Variants in CGGBP1 observed in about 807,000 individuals in gnomAD.
CGGBP1 encodes CGG triplet repeat-binding protein 1.
In CGGBP1, 4 loss-of-function variants were observed where a neutral mutation model predicts 11.4. That is an observed-to-expected ratio of 0.35 (90% CI 0.17 to 0.80). CGGBP1 has a LOEUF of 0.80. Ranked by LOEUF, CGGBP1 falls within the 30% of genes least tolerant of loss-of-function variation. The pLI, the probability that CGGBP1 is intolerant of heterozygous loss-of-function variation, is 0.52. For missense variants in CGGBP1, 135 were observed against 202.1 expected (o/e 0.67, Z 2.01); for synonymous variants, 76 against 74.1 (o/e 1.03, Z -0.13).
In CGGBP1 at chr3:88,101,346, A is replaced by G. The variant is rs188411017; in HGVS notation, c.-229+39624T>C. Among the ~76,000 whole-genome samples the G allele has an allele frequency of 1.4e-4, 22 of 152,274 alleles. No homozygotes were observed. In the East Asian group the frequency reaches 4.2e-3, roughly 29 times the overall value. On this transcript the variant is annotated intron_variant, in intron 2 of 3. Transcript: ENST00000462901. The stretch of plus-strand genomic sequence containing the variant: ...CTATCTCTATAGAGTTGCTATTTCT[A>G]GACATTTCATATAAATGATATCATA...
chr3:88,072,717 C>A (rs1707585550), intron 2 of CGGBP1, among the ~76,000 whole-genome samples: 1 of 151,912 alleles, frequency 6.6e-6, no homozygotes, highest in Non-Finnish European at 1.5e-5. Flanking sequence ...TACTTAACAC[C>A]ATCTAATATA....
At chr3:88,089,001 G>C (rs1306406452) in intron 2 of CGGBP1, among the ~76,000 whole-genome samples, 2 of 151,696 alleles carry the variant, frequency 1.3e-5, no homozygotes, top group African/African-American at 4.8e-5. Context: ...TTGAACTCCT[G>C]ACCTCAGATG....
At position 88,058,460 on chromosome 3, in the gene CGGBP1, G is replaced by T. The variant is rs557537600; in HGVS notation, c.-330-237C>A. 2.6e-5 allele frequency among the ~76,000 whole-genome samples: 4 copies of T among 152,300 alleles called. No homozygotes were observed. In the Middle Eastern group the frequency reaches 0.014, roughly 522 times the overall value. ...CCCAGGCCCGGGGGTTCGGGCGGGG[G>T]CGGGGGAGAGGCGGGGCCCGGGACG... On this transcript the variant is annotated intron_variant, in intron 1 of 3. Coordinates refer to ENST00000482016, the MANE Select transcript of CGGBP1 (RefSeq NM_001008390.2).
chr3:88,086,985 T>C (rs1376550545), intron 2 of CGGBP1, among the ~76,000 whole-genome samples: 3 of 152,202 alleles, frequency 2.0e-5, no homozygotes, highest in African/African-American at 7.2e-5. Context: ...GGTTTCACCA[T>C]GTTAGCCAGG....
chr3:88,071,316 C>T (rs953080475), intron 2 of CGGBP1, among the ~76,000 whole-genome samples: 1 of 151,824 alleles, frequency 6.6e-6, no homozygotes, highest in Non-Finnish European at 1.5e-5. Context: ...TTGAGACCAG[C>T]CTGGCCAACA....
chr3:88,106,842 A>C (rs193120347), intron 2 of CGGBP1, among the ~76,000 whole-genome samples: 1 of 152,156 alleles, frequency 6.6e-6, no homozygotes, highest in Non-Finnish European at 1.5e-5. Flanking sequence ...TATAATTTTT[A>C]ACATTTGGCT....
intron 1 of CGGBP1, among the ~76,000 whole-genome samples, chr3:88,144,877 A>ATG (rs1707280873): frequency 6.6e-6 from 1 of 152,034 alleles, no homozygotes; most frequent in African/African-American, 2.4e-5. Flanking sequence ...ATTTTAACGA[A>ATG]TGCCTATATG....
intron 2 of CGGBP1, among the ~76,000 whole-genome samples, chr3:88,089,946 T>C (rs947516811): frequency 6.6e-6 from 1 of 152,184 alleles, no homozygotes; most frequent in Admixed American, 6.5e-5. Context: ...CCTAGTGAAG[T>C]CATAGCTGCC....
At chr3:88,059,268 ACGGCGG>A, upstream of CGGBP1, 1 of 1,531,672 alleles carries the variant, frequency 6.5e-7, no homozygotes, top group Admixed American at 2.0e-5. Flanking sequence ...CTAGGCATCT[ACGGCGG>A]CGGCGGCGGC....
intron 1 of CGGBP1, chr3:88,142,343 C>T (rs1707174970): frequency 6.6e-6 from 1 of 152,024 alleles, no homozygotes; most frequent in Admixed American, 6.6e-5. Context: ...TAGAACCTCC[C>T]ACTAACCACT....
chr3:88,113,940 A>G (rs996412305), intron 2 of CGGBP1, among the ~76,000 whole-genome samples: 2 of 152,176 alleles, frequency 1.3e-5, no homozygotes, highest in Non-Finnish European at 2.9e-5. Context: ...AGAGGTAAAA[A>G]TACCTGTTTT....
At chr3:88,093,090 C>G (rs1189755699) in intron 2 of CGGBP1, among the ~76,000 whole-genome samples, 1 of 152,114 alleles carries the variant, frequency 6.6e-6, no homozygotes, top group Non-Finnish European at 1.5e-5. Flanking sequence ...AGAGATTTTG[C>G]TTTGTGCATA....
intron 2 of CGGBP1, among the ~76,000 whole-genome samples, chr3:88,099,200 G>C (rs1272819204): frequency 3.3e-5 from 5 of 151,976 alleles, no homozygotes; most frequent in Admixed American, 1.3e-4. Context: ...AACAGACAGA[G>C]AGCCAAATCA....
rs764910864 is a variant in CGGBP1 at position 88,140,799 on chromosome 3, A to G, written c.-229+171T>C. Reference sequence around the variant, plus strand: ...ACATACTTCATATGGCTTAATTTTAACAAAACCATACGTCAGACCATTGCC... The same window carrying G: ...ACATACTTCATATGGCTTAATTTTAGCAAAACCATACGTCAGACCATTGCC... On this transcript the variant is annotated intron_variant, in intron 2 of 3. Transcript: ENST00000462901. 5 of 1,613,732 alleles carry G rather than the reference A, an allele frequency of 3.1e-6. No individual in the cohort carries two copies. The South Asian group carries it at 5.5e-5, about 18-fold the overall frequency.
intron 2 of CGGBP1, among the ~76,000 whole-genome samples, chr3:88,081,934 T>G (rs1189182036): frequency 2.6e-5 from 4 of 152,178 alleles, no homozygotes; most frequent in Admixed American, 1.3e-4. Context: ...ATGAATAACA[T>G]AAGCATACTG....
At chr3:88,144,097 A>G (rs1159855351) in intron 1 of CGGBP1, 1 of 152,298 alleles carries the variant, frequency 6.6e-6, no homozygotes, top group African/African-American at 2.4e-5. Flanking sequence ...TAAATGTTAA[A>G]TTTCTGCTGT....
At chr3:88,068,038 A>G (rs1263100460) in intron 2 of CGGBP1, among the ~76,000 whole-genome samples, 7 of 152,198 alleles carry the variant, frequency 4.6e-5, no homozygotes, top group Admixed American at 3.9e-4. Flanking sequence ...TCAAAGCACA[A>G]GTGGAGGGGT....
At chr3:88,087,496 A>C (rs1165648511) in intron 2 of CGGBP1, among the ~76,000 whole-genome samples, 1 of 152,228 alleles carries the variant, frequency 6.6e-6, no homozygotes, top group Non-Finnish European at 1.5e-5. Flanking sequence ...AAAGAAGTAA[A>C]AGAGAGAAGA....
chr3:88,144,578 CAATA>C (rs1326758890), intron 1 of CGGBP1: 1 of 152,298 alleles, frequency 6.6e-6, no homozygotes, highest in East Asian at 1.9e-4. Flanking sequence ...CATTGAACTG[CAATA>C]AATCAACAAT....
Sources: allele counts gnomAD v4.1 joint callset (sites outside exome capture counted in the v4.1 genomes callset), GRCh38; gene constraint gnomAD v4.1.1; transcripts MANE v1.5; gene names NCBI Gene and HGNC (gene_info 2026-07-23, HGNC 2026-07-21).